The following CLSTN2 variants were observed in gnomAD, a reference collection of about 807,000 sequenced individuals.
CLSTN2 encodes the protein calsyntenin 2, also known as calsyntenin-2.
Under a neutral mutation model 101.2 loss-of-function variants are expected in CLSTN2, and 48 were observed. That is an observed-to-expected ratio of 0.47 (90% CI 0.38 to 0.60). The LOEUF (loss-of-function observed/expected upper bound fraction) is 0.60. CLSTN2 is among the 20% of genes least tolerant of loss of function. The pLI, the probability that CLSTN2 is intolerant of heterozygous loss-of-function variation, is 0.00. For synonymous variants in CLSTN2, 481 were observed against 463.6 expected (o/e 1.04, Z -0.48); for missense variants, 1,160 against 1,238.2 (o/e 0.94, Z 0.95).
At chr3:140,384,855 G>T (rs2088032847) in intron 2 of CLSTN2, among the ~76,000 whole-genome samples, 2 of 152,154 alleles carry the variant, frequency 1.3e-5, no homozygotes, top group South Asian at 4.1e-4. Context: ...CCCCTTTGGG[G>T]TTCCCCACAT....
chr3:140,427,207 G>GTGTGTGTA (rs1397987072), intron 5 of CLSTN2, among the ~76,000 whole-genome samples: 5 of 84,978 alleles, frequency 5.9e-5, no homozygotes, highest in African/African-American at 3.7e-4. Context: ...ATATATATGT[G>GTGTGTGTA]TATATATATA....
intron 1 of CLSTN2, among the ~76,000 whole-genome samples, chr3:139,976,051 A>T (rs1935811645): frequency 1.3e-5 from 2 of 152,226 alleles, no homozygotes; most frequent in Non-Finnish European, 1.5e-5. Context: ...TAATCAAGCT[A>T]CCATAACCCC....
At chr3:140,517,423 T>C (rs1576608305) in intron 8 of CLSTN2, among the ~76,000 whole-genome samples, 2 of 152,336 alleles carry the variant, frequency 1.3e-5, no homozygotes, top group East Asian at 3.9e-4. Flanking sequence ...ATTGTTTTTC[T>C]GGTTTCTTCT....
chr3:140,042,278 T>C (rs573910129), intron 1 of CLSTN2, among the ~76,000 whole-genome samples: 1 of 152,358 alleles, frequency 6.6e-6, no homozygotes, highest in South Asian at 2.1e-4. Context: ...TTTATGTTTC[T>C]GCTGCACAGT....
intron 1 of CLSTN2, among the ~76,000 whole-genome samples, chr3:140,075,793 G>A (rs915357469): frequency 1.3e-5 from 2 of 152,026 alleles, no homozygotes; most frequent in Non-Finnish European, 2.9e-5. Context: ...CAGTCACTGG[G>A]GATGTGAACA....
At chr3:140,174,351 A>C (rs1401714833) in intron 1 of CLSTN2, among the ~76,000 whole-genome samples, 1 of 152,208 alleles carries the variant, frequency 6.6e-6, no homozygotes, top group Non-Finnish European at 1.5e-5. Flanking sequence ...TATCACTATC[A>C]GCATTTTGGG....
intron 7 of CLSTN2, among the ~76,000 whole-genome samples, chr3:140,465,512 A>G (rs1046249202): frequency 2.0e-5 from 3 of 152,184 alleles, no homozygotes; most frequent in African/African-American, 7.2e-5. Flanking sequence ...TGGATCCTGA[A>G]CAAGTCATGT....
intron 1 of CLSTN2, among the ~76,000 whole-genome samples, chr3:140,031,147 C>G (rs538948952): frequency 6.6e-6 from 1 of 152,260 alleles, no homozygotes; most frequent in Non-Finnish European, 1.5e-5. Flanking sequence ...AGAAAACTGG[C>G]AGCAGTTTTC....
intron 10 of CLSTN2, among the ~76,000 whole-genome samples, chr3:140,555,126 G>A (rs1436874346): frequency 6.6e-6 from 1 of 152,208 alleles, no homozygotes; most frequent in Non-Finnish European, 1.5e-5. Flanking sequence ...GCAAGCCGAT[G>A]GACTAGCCCC....
At chr3:140,156,386 C>A (rs2009954310) in intron 1 of CLSTN2, among the ~76,000 whole-genome samples, 2 of 152,304 alleles carry the variant, frequency 1.3e-5, no homozygotes, top group Admixed American at 1.3e-4. Context: ...ATAGGGCCTT[C>A]TGTATCATAG....
chr3:140,153,217 G>C (rs1412672868), intron 1 of CLSTN2, among the ~76,000 whole-genome samples: 1 of 152,230 alleles, frequency 6.6e-6, no homozygotes, highest in African/African-American at 2.4e-5. Context: ...GTAGCCAGGG[G>C]CTGCTTTATA....
intron 1 of CLSTN2, among the ~76,000 whole-genome samples, chr3:140,155,780 A>T (rs756154062): frequency 6.6e-6 from 1 of 152,224 alleles, no homozygotes; most frequent in South Asian, 2.1e-4. Flanking sequence ...CCCTCGTCAA[A>T]GACTTCTAAT....
chr3:140,361,131 C>T (rs769536604), intron 2 of CLSTN2, among the ~76,000 whole-genome samples: 1 of 152,112 alleles, frequency 6.6e-6, no homozygotes. Context: ...TCATACCCAG[C>T]AGCATAGGAA....
intron 1 of CLSTN2, among the ~76,000 whole-genome samples, chr3:140,116,384 C>A (rs1282695530): frequency 6.6e-6 from 1 of 152,164 alleles, no homozygotes; most frequent in African/African-American, 2.4e-5. Context: ...GCAGGAGGCT[C>A]TGAGCAGGAG....
At chr3:140,288,133 G>T (rs909284744) in intron 2 of CLSTN2, among the ~76,000 whole-genome samples, 5 of 151,084 alleles carry the variant, frequency 3.3e-5, no homozygotes, top group Admixed American at 6.6e-5. Flanking sequence ...AAACCGGCGG[G>T]GGGGGTCAGA....
intron 1 of CLSTN2, among the ~76,000 whole-genome samples, chr3:140,051,491 G>A (rs1009040420): frequency 6.6e-6 from 1 of 152,084 alleles, no homozygotes; most frequent in East Asian, 1.9e-4. Context: ...CACCCTTTTT[G>A]GGCTCTGCTG....
intron 2 of CLSTN2, among the ~76,000 whole-genome samples, chr3:140,197,590 G>A (rs1420414293): frequency 1.3e-5 from 2 of 152,144 alleles, no homozygotes; most frequent in Admixed American, 1.3e-4. Context: ...GTTCTCAACT[G>A]AGGGTGATCT....
intron 8 of CLSTN2, among the ~76,000 whole-genome samples, chr3:140,522,984 C>A (rs1169469875): frequency 6.6e-6 from 1 of 152,164 alleles, no homozygotes; most frequent in Admixed American, 6.5e-5. Flanking sequence ...CTAACACATG[C>A]CCTAAGCTGT....
intron 2 of CLSTN2, among the ~76,000 whole-genome samples, chr3:140,214,823 G>T (rs1386541386): frequency 8.5e-5 from 13 of 152,202 alleles, no homozygotes; most frequent in Non-Finnish European, 2.9e-5. Flanking sequence ...TTCTTTGACT[G>T]TCTGAAACCT....
Sources: allele counts gnomAD v4.1 joint callset (sites outside exome capture counted in the v4.1 genomes callset), GRCh38; gene constraint gnomAD v4.1.1; transcripts MANE v1.5; gene names NCBI Gene and HGNC (gene_info 2026-07-23, HGNC 2026-07-21).